The following CEP63 variants were observed in gnomAD, a reference collection of about 807,000 sequenced individuals.
The protein encoded by CEP63 is centrosomal protein 63.
In CEP63, 84 loss-of-function variants were observed where a neutral mutation model predicts 89.1. That is an observed-to-expected ratio of 0.94 (90% CI 0.79 to 1.13). The LOEUF is 1.13. Among genes scored for constraint, CEP63 ranks in the 50% most tolerant of loss-of-function variants. The pLI is 0.00. For missense variants in CEP63, 838 were observed against 813.3 expected, an observed-to-expected ratio of 1.03 and a Z score of -0.37; for synonymous variants, 267 against 272.5, an observed-to-expected ratio of 0.98 and a Z score of 0.20.
At chr3:134,672,105 C>G in the CEP63 span, among the ~76,000 whole-genome samples, 1 of 152,194 alleles carries the variant, frequency 6.6e-6, no homozygotes, top group Non-Finnish European at 1.5e-5. Context: ...CAAACCCCAT[C>G]TGTAAAAAAT....
At chr3:134,738,795 A>G in the CEP63 span, among the ~76,000 whole-genome samples, 5 of 152,222 alleles carry the variant, frequency 3.3e-5, no homozygotes, top group Admixed American at 3.3e-4. Context: ...CATACAACTT[A>G]GAAGACATAT....
downstream of CEP63, among the ~76,000 whole-genome samples, chr3:134,565,969 A>G (rs751988301): frequency 2.6e-5 from 4 of 152,194 alleles, no homozygotes; most frequent in Non-Finnish European, 5.9e-5. Context: ...ATCCAAATTC[A>G]GAGGAAACTG....
chr3:134,486,125 G>A lies in CEP63; in HGVS notation c.-103G>A, dbSNP rs553749955. 1.7e-4 allele frequency: 170 copies of A among 985,636 alleles called. No homozygotes were observed. In the African/African-American group the frequency reaches 2.2e-3, roughly 13 times the overall value. 61.1% of individuals were successfully genotyped at this position (985,636 alleles called of 1,614,324 possible). On this transcript the variant is annotated 5_prime_UTR_variant, in exon 1 of 15. It adds an upstream start codon to the 5' untranslated region. Transcript: ENST00000675561. ...TTCAATTATTAAAAGTGTGGGGGCA[G>A]TGGGCGGAACAAACGCGCCGACTAC...
intron 2 of CEP63, among the ~76,000 whole-genome samples, chr3:134,500,392 C>T (rs1249388014): frequency 2.6e-5 from 4 of 151,998 alleles, no homozygotes; most frequent in East Asian, 1.9e-4. Context: ...ATTGGTGTTG[C>T]GATGAACATG....
Position 134,559,320 on chromosome 3 carries a change from A to G in CEP63, c.1844A>G (p.Tyr615Cys), listed in dbSNP as rs766930003. Residue 615 changes from tyrosine to cysteine, a missense_variant, in exon 14 of 15, where the codon TAC becomes TGC. Tyr to Cys is a radical substitution (Grantham distance 194). Transcript: ENST00000675561. ...AGCTCCACCAGGTCTTTGACTTCCTACTCTCTATGTAAAACTCATTCTTTG... is the reference window on the plus strand; with the variant it reads ...AGCTCCACCAGGTCTTTGACTTCCTGCTCTCTATGTAAAACTCATTCTTTG... ...PCSSTRSLTS[Y>C]SLCKTHSLPS... 4.2e-5 allele frequency: 68 copies of G among 1,613,888 alleles called. No individual in the cohort carries two copies. Among genetic ancestry groups the G allele is most frequent in the Non-Finnish European group, 4.9e-5 (58 of 1,179,980 alleles).
chr3:134,552,054 T>C, intron 12 of CEP63, 42 bp downstream of exon 12: 1 of 1,022,618 alleles, frequency 9.8e-7, no homozygotes, highest in South Asian at 1.3e-5. Flanking sequence ...ATCCAAGCCT[T>C]CAAAAAAATT....
the CEP63 span, among the ~76,000 whole-genome samples, chr3:134,732,219 A>T: frequency 3.3e-5 from 5 of 152,212 alleles, no homozygotes. Flanking sequence ...ACCTGTATAC[A>T]TAATACTTCA....
chr3:134,744,344 C>A, the CEP63 span, among the ~76,000 whole-genome samples: 1 of 152,092 alleles, frequency 6.6e-6, no homozygotes, highest in Non-Finnish European at 1.5e-5. Flanking sequence ...CCCAATATAG[C>A]CCCCTGGAGA....
At chr3:134,580,194 C>CAAA (rs58009929) in intron 10 of CEP63, among the ~76,000 whole-genome samples, 2 of 112,158 alleles carry the variant, frequency 1.8e-5, no homozygotes, top group African/African-American at 6.9e-5. Flanking sequence ...GACTCCACCT[C>CAAA]AAAAAAAAAA....
chr3:134,567,976 C>T (rs997431132), downstream of CEP63, among the ~76,000 whole-genome samples: 5 of 152,220 alleles, frequency 3.3e-5, no homozygotes, highest in African/African-American at 7.2e-5. Flanking sequence ...GCAAGTCCCT[C>T]AGTATCTCTA....
At chr3:134,755,034 T>G in the CEP63 span, among the ~76,000 whole-genome samples, 1 of 152,090 alleles carries the variant, frequency 6.6e-6, no homozygotes, top group Non-Finnish European at 1.5e-5. Context: ...CTTCATGTCT[T>G]GGGGGTCCTT....
the CEP63 span, among the ~76,000 whole-genome samples, chr3:134,676,848 G>C: frequency 6.6e-6 from 1 of 152,202 alleles, no homozygotes; most frequent in African/African-American, 2.4e-5. Flanking sequence ...TAGCCTGGCA[G>C]ACATGTCCTG....
At chr3:134,717,768 C>T in the CEP63 span, among the ~76,000 whole-genome samples, 2 of 152,060 alleles carry the variant, frequency 1.3e-5, no homozygotes, top group African/African-American at 4.8e-5. Flanking sequence ...GAATGAAGAC[C>T]ATAGAGACAA....
intron 11 of CEP63, among the ~76,000 whole-genome samples, chr3:134,571,906 C>T (rs1170788604): frequency 6.6e-6 from 1 of 152,108 alleles, no homozygotes. Flanking sequence ...ATATGTCCAT[C>T]ACAATTGTAA....
chr3:134,612,694 G>A, the CEP63 span, among the ~76,000 whole-genome samples: 2 of 151,258 alleles, frequency 1.3e-5, no homozygotes, highest in East Asian at 2.0e-4. Flanking sequence ...CCCCTGACAC[G>A]ATGTGAACTG....
chr3:134,780,407 G>A, the CEP63 span: 2 of 152,002 alleles, frequency 1.3e-5, no homozygotes, highest in Non-Finnish European at 2.9e-5. Context: ...AATAACTCCC[G>A]ATTCCTCTTC....
the CEP63 span, chr3:134,608,689 C>T: frequency 6.2e-7 from 1 of 1,614,050 alleles, no homozygotes; most frequent in Non-Finnish European, 8.5e-7. Flanking sequence ...CACTCAGCAT[C>T]CCTTTGTTGT....
At chr3:134,738,172 A>T in the CEP63 span, among the ~76,000 whole-genome samples, 1 of 152,046 alleles carries the variant, frequency 6.6e-6, no homozygotes, top group African/African-American at 2.4e-5. Context: ...CACTTAGAAT[A>T]ATAGTCTCCA....
chr3:134,550,597 G>A (rs1954594234), intron 11 of CEP63, among the ~76,000 whole-genome samples: 1 of 152,148 alleles, frequency 6.6e-6, no homozygotes, highest in Non-Finnish European at 1.5e-5. Flanking sequence ...AAGTGTTTCA[G>A]GCACAGGAAA....
Sources: allele counts gnomAD v4.1 joint callset (sites outside exome capture counted in the v4.1 genomes callset), GRCh38; gene constraint gnomAD v4.1.1; transcripts MANE v1.5; gene names NCBI Gene and HGNC (gene_info 2026-07-23, HGNC 2026-07-21).